Variants in FOXP1 observed in about 807,000 individuals in gnomAD.
FOXP1 encodes the protein forkhead box P1, also known as forkhead box protein P1.
In FOXP1, 15 loss-of-function variants were observed where a neutral mutation model predicts 98.2. That is an observed-to-expected ratio of 0.15 (90% CI 0.10 to 0.24). The LOEUF is 0.24. Among genes scored for constraint, FOXP1 ranks in the 10% least tolerant of loss-of-function variants. The pLI is 1.00. For missense variants in FOXP1, 633 were observed against 848.5 expected, an observed-to-expected ratio of 0.75 and a Z score of 3.15; for synonymous variants, 371 against 314.5, an observed-to-expected ratio of 1.18 and a Z score of -1.90.
At chr3:71,303,692 G>T (rs1215235114) in intron 4 of FOXP1, among the ~76,000 whole-genome samples, 8 of 151,826 alleles carry the variant, frequency 5.3e-5, no homozygotes, top group African/African-American at 1.2e-4. Context: ...CTCAAAGTTT[G>T]TTCTATGCCC....
chr3:71,547,013 C>A (rs775566422), intron 2 of FOXP1, among the ~76,000 whole-genome samples: 14 of 152,134 alleles, frequency 9.2e-5, no homozygotes, highest in Non-Finnish European at 1.6e-4. Context: ...GAAGACAAAA[C>A]AAATTGTGAA....
At chr3:71,156,561 T>A (rs530379866) in intron 6 of FOXP1, among the ~76,000 whole-genome samples, 1 of 152,264 alleles carries the variant, frequency 6.6e-6, no homozygotes, top group Non-Finnish European at 1.5e-5. Context: ...GAGGCTAGCA[T>A]TTGCAAAGGC....
At chr3:70,981,191 CAAAAAAAAAAAAAAAAA>C (rs71104406) in intron 14 of FOXP1, among the ~76,000 whole-genome samples, 1 of 59,954 alleles carries the variant, frequency 1.7e-5, no homozygotes, top group East Asian at 5.7e-4. Context: ...CTCTTTCTAC[CAAAAAAAAAAAAAAAAA>C]AAAAAAAAAA....
At chr3:71,469,166 A>T (rs1193582193) in intron 3 of FOXP1, among the ~76,000 whole-genome samples, 12 of 152,262 alleles carry the variant, frequency 7.9e-5, no homozygotes, top group Non-Finnish European at 1.8e-4. Context: ...GATTATCATT[A>T]CATCAAGTTC....
Position 71,566,352 on chromosome 3 carries a change from C to G in FOXP1, c.-298+15197G>C, listed in dbSNP as rs1055695149. ...ACTGGTTTGCAAATGGTGAGCTGTCCTGAGCCACATTCTCGTTCCCCAAGG... is the reference window on the plus strand; with the variant it reads ...ACTGGTTTGCAAATGGTGAGCTGTCGTGAGCCACATTCTCGTTCCCCAAGG... On this transcript the variant is annotated intron_variant, in intron 2 of 20. Coordinates refer to ENST00000649528, the MANE Select transcript of FOXP1 (RefSeq NM_001349338.3). Among the ~76,000 whole-genome samples the G allele has an allele frequency of 5.9e-5, 9 of 152,296 alleles. No individual in the cohort carries two copies. The East Asian group carries it at 1.7e-3, about 29-fold the overall frequency.
At chr3:71,256,049 G>A (rs761618594) in intron 5 of FOXP1, among the ~76,000 whole-genome samples, 1 of 152,152 alleles carries the variant, frequency 6.6e-6, no homozygotes, top group Non-Finnish European at 1.5e-5. Context: ...CTAGTTGGAC[G>A]AAGGTCTTCA....
intron 5 of FOXP1, among the ~76,000 whole-genome samples, chr3:71,259,031 G>A (rs2068872451): frequency 6.6e-6 from 1 of 152,260 alleles, no homozygotes; most frequent in Non-Finnish European, 1.5e-5. Flanking sequence ...TGTAGTCCCA[G>A]TGACTCAGGA....
intron 9 of FOXP1, among the ~76,000 whole-genome samples, chr3:71,047,682 T>C (rs2049218382): frequency 6.6e-6 from 1 of 152,196 alleles, no homozygotes; most frequent in Non-Finnish European, 1.5e-5. Flanking sequence ...ATTACACACA[T>C]TCATAATTTA....
intron 5 of FOXP1, among the ~76,000 whole-genome samples, chr3:71,242,111 G>A (rs2067330834): frequency 6.6e-6 from 1 of 152,256 alleles, no homozygotes; most frequent in East Asian, 1.9e-4. Context: ...CCAGAAACCT[G>A]CTTCTACTTG....
chr3:71,041,136 A>G (rs2048285112), intron 11 of FOXP1, among the ~76,000 whole-genome samples, 192 bp downstream of exon 11: 1 of 152,186 alleles, frequency 6.6e-6, no homozygotes, highest in African/African-American at 2.4e-5. Context: ...ATAAGTGCTA[A>G]TTCCATGTTG....
chr3:71,035,632 G>GT (rs1210926205), intron 11 of FOXP1, among the ~76,000 whole-genome samples: 1 of 152,182 alleles, frequency 6.6e-6, no homozygotes, highest in Non-Finnish European at 1.5e-5. Context: ...GGAAGTAGCA[G>GT]TTAACAATTT....
intron 2 of FOXP1, among the ~76,000 whole-genome samples, chr3:71,556,924 G>C (rs1352692274): frequency 2.6e-5 from 4 of 151,952 alleles, no homozygotes. Flanking sequence ...TAAAATCATG[G>C]TCCACTGTAG....
chr3:71,278,761 G>C (rs1295506748), intron 5 of FOXP1, among the ~76,000 whole-genome samples: 1 of 152,108 alleles, frequency 6.6e-6, no homozygotes, highest in Non-Finnish European at 1.5e-5. Context: ...CAGCCTGGGC[G>C]ACAGAGCGAG....
chr3:71,216,560 C>T (rs2064948467), intron 5 of FOXP1, among the ~76,000 whole-genome samples: 1 of 152,126 alleles, frequency 6.6e-6, no homozygotes, highest in African/African-American at 2.4e-5. Flanking sequence ...CACACTGGGG[C>T]TCCTACTTTG....
At chr3:71,352,004 T>G (rs929650292) in intron 4 of FOXP1, among the ~76,000 whole-genome samples, 2 of 152,168 alleles carry the variant, frequency 1.3e-5, no homozygotes, top group African/African-American at 4.8e-5. Flanking sequence ...AGAAAGCATT[T>G]GAAGAAGTCT....
intron 6 of FOXP1, among the ~76,000 whole-genome samples, chr3:71,196,764 C>T (rs2063327261): frequency 6.6e-6 from 1 of 152,178 alleles, no homozygotes; most frequent in Non-Finnish European, 1.5e-5. Flanking sequence ...TGGAATTTGG[C>T]CATCTGCACT....
intron 3 of FOXP1, among the ~76,000 whole-genome samples, chr3:71,371,450 G>C (rs76829029): frequency 2.7e-4 from 41 of 152,192 alleles, no homozygotes; most frequent in Admixed American, 7.2e-4. Context: ...TCTCACACCT[G>C]AATCAGAAGT....
At position 71,345,397 on chromosome 3, in the gene FOXP1, TACACACACACACACACACACACAC is replaced by T. The variant is rs71120315; in HGVS notation, c.-73+13729_-73+13752del. 3.2e-4 allele frequency among the ~76,000 whole-genome samples: 45 copies of T among 141,854 alleles called. 1 individual carries two copies. In the East Asian group the frequency reaches 6.9e-3, roughly 22 times the overall value. The allele number at this position is 141,854 out of a possible 152,430, so 93.1% of individuals were successfully genotyped here. On this transcript the variant is annotated intron_variant, in intron 4 of 20. Transcript: ENST00000649528. ...AGAGAGAATCTGTCTCAAATATATA[TACACACACACACACACACACACAC>T]ACACACACACACACACACACACATA...
At chr3:71,296,666 T>C (rs1232906434) in intron 5 of FOXP1, among the ~76,000 whole-genome samples, 1 of 151,994 alleles carries the variant, frequency 6.6e-6, no homozygotes, top group Non-Finnish European at 1.5e-5. Context: ...CTGAAGATGA[T>C]GTATGATATA....
Sources: allele counts gnomAD v4.1 joint callset (sites outside exome capture counted in the v4.1 genomes callset), GRCh38; gene constraint gnomAD v4.1.1; transcripts MANE v1.5; gene names NCBI Gene and HGNC (gene_info 2026-07-23, HGNC 2026-07-21).